The following MAGI2 variants were observed in gnomAD, a reference collection of about 807,000 sequenced individuals.
MAGI2 encodes the protein membrane associated guanylate kinase, WW and PDZ domain containing 2, also known as membrane-associated guanylate kinase, WW and PDZ domain-containing protein 2.
MAGI2 carries 35 observed loss-of-function variants against 133.3 expected under a neutral mutation model. That is an observed-to-expected ratio of 0.26 (90% CI 0.20 to 0.35). MAGI2 has a LOEUF of 0.35. Ranked by LOEUF, MAGI2 falls within the 10% of genes least tolerant of loss-of-function variation. MAGI2 has a pLI of 1.00. For synonymous variants in MAGI2, 729 were observed against 710.6 expected, an observed-to-expected ratio of 1.03 and a Z score of -0.41; for missense variants, 1,636 against 1,863.4, an observed-to-expected ratio of 0.88 and a Z score of 2.25.
At chr7:79,273,211 T>C (rs1835001305) in intron 1 of MAGI2, among the ~76,000 whole-genome samples, 1 of 147,054 alleles carries the variant, frequency 6.8e-6, no homozygotes, top group African/African-American at 2.5e-5. Flanking sequence ...TGTTTTGTTC[T>C]TAAATCACCC....
chr7:78,567,178 T>C (rs918196466), intron 3 of MAGI2, among the ~76,000 whole-genome samples: 1 of 152,244 alleles, frequency 6.6e-6, no homozygotes, highest in Non-Finnish European at 1.5e-5. Context: ...TAGGAAACCT[T>C]GACATTCAAG....
intron 21 of MAGI2, among the ~76,000 whole-genome samples, chr7:78,037,195 T>A (rs537426686): frequency 6.6e-6 from 1 of 152,058 alleles, no homozygotes; most frequent in Non-Finnish European, 1.5e-5. Context: ...CCTAGCGCAA[T>A]TGGGGTCACA....
intron 2 of MAGI2, among the ~76,000 whole-genome samples, chr7:78,912,190 G>T (rs1386221825): frequency 6.6e-6 from 1 of 152,072 alleles, no homozygotes; most frequent in Non-Finnish European, 1.5e-5. Context: ...ATATAAAATT[G>T]CTAGGAGCTG....
intron 21 of MAGI2, among the ~76,000 whole-genome samples, chr7:78,067,584 G>A (rs895554047): frequency 6.6e-6 from 1 of 152,194 alleles, no homozygotes; most frequent in African/African-American, 2.4e-5. Flanking sequence ...CCACTTTATA[G>A]TTAACAGCTA....
At chr7:78,338,688 T>C (rs1790030289) in intron 9 of MAGI2, among the ~76,000 whole-genome samples, 1 of 152,240 alleles carries the variant, frequency 6.6e-6, no homozygotes, top group Non-Finnish European at 1.5e-5. Flanking sequence ...TTTTTACATG[T>C]CATTTTAAAT....
intron 7 of MAGI2, among the ~76,000 whole-genome samples, chr7:78,366,975 T>C (rs557304304): frequency 6.6e-6 from 1 of 152,210 alleles, no homozygotes; most frequent in South Asian, 2.1e-4. Flanking sequence ...CTAAAACTAT[T>C]AAACATGTCA....
At chr7:79,419,901 T>C (rs1846819978) in intron 1 of MAGI2, among the ~76,000 whole-genome samples, 1 of 152,058 alleles carries the variant, frequency 6.6e-6, no homozygotes, top group African/African-American at 2.4e-5. Context: ...GGGAAATACA[T>C]TATTTTCCCC....
chr7:78,937,344 T>C (rs1281349750), intron 2 of MAGI2, among the ~76,000 whole-genome samples: 15 of 152,122 alleles, frequency 9.9e-5, no homozygotes, highest in Admixed American at 9.8e-4. Flanking sequence ...ACCTATTCCT[T>C]TTAATAGAAT....
chr7:78,694,716 CTG>C (rs1477576175), intron 2 of MAGI2, among the ~76,000 whole-genome samples: 1 of 152,172 alleles, frequency 6.6e-6, no homozygotes, highest in Non-Finnish European at 1.5e-5. Context: ...CATTTACTAA[CTG>C]TGCAACTTTG....
chr7:79,245,280 A>G (rs1487208537), intron 1 of MAGI2, among the ~76,000 whole-genome samples: 1 of 152,216 alleles, frequency 6.6e-6, no homozygotes, highest in Non-Finnish European at 1.5e-5. Flanking sequence ...ATCTGTCAGC[A>G]TAGGTACTAA....
At chr7:79,271,073 C>A (rs1357687392) in intron 1 of MAGI2, among the ~76,000 whole-genome samples, 1 of 152,078 alleles carries the variant, frequency 6.6e-6, no homozygotes, top group East Asian at 1.9e-4. Context: ...AGTCTCTGAA[C>A]TTTCTCCCTT....
In MAGI2 at chr7:78,423,970, G is replaced by A. The variant is rs925137616; in HGVS notation, c.1046-54757C>T. 2.0e-5 allele frequency among the ~76,000 whole-genome samples: 3 copies of A among 152,314 alleles called. No individual in the cohort carries two copies. The East Asian group carries it at 5.8e-4, about 29-fold the overall frequency. On this transcript the variant is annotated intron_variant, in intron 6 of 21. Transcript: ENST00000354212. The stretch of plus-strand genomic sequence containing the variant: ...TAGAAAAGAAAAACCCATTTTCTGA[G>A]GCGAAATTGAAGCCAGCTGCAGAAA...
At chr7:78,411,524 A>G (rs6967983) in intron 6 of MAGI2, among the ~76,000 whole-genome samples, 102,436 of 151,814 alleles carry the variant, frequency 0.67, 34,853 homozygotes, top group East Asian at 0.91. Context: ...AGACTGACCA[A>G]CTAGAATTCA....
At chr7:79,127,372 C>T (rs1485568495) in intron 1 of MAGI2, among the ~76,000 whole-genome samples, 5 of 152,086 alleles carry the variant, frequency 3.3e-5, no homozygotes, top group Admixed American at 2.0e-4. Flanking sequence ...GAGGAATCGC[C>T]ACACTGACTT....
At chr7:78,358,196 A>AATATATATATATATATATATAT (rs59745283) in intron 7 of MAGI2, 11 of 38,100 alleles carry the variant, frequency 2.9e-4, no homozygotes, top group East Asian at 8.0e-4. Flanking sequence ...AAAAAAAAAA[A>AATATATATATATATATATATAT]ATATATATAT....
intron 1 of MAGI2, among the ~76,000 whole-genome samples, chr7:79,348,311 T>TTAA (rs1283965619): frequency 6.6e-6 from 1 of 151,884 alleles, no homozygotes; most frequent in African/African-American, 2.4e-5. Flanking sequence ...TGAGTGAAAA[T>TTAA]TAACCATACC....
chr7:79,291,505 C>G (rs1455638821), intron 1 of MAGI2, among the ~76,000 whole-genome samples: 1 of 152,152 alleles, frequency 6.6e-6, no homozygotes, highest in Non-Finnish European at 1.5e-5. Flanking sequence ...TTTTCCAAAA[C>G]AGCTCTACAA....
At chr7:78,079,219 G>A (rs1697641292) in intron 20 of MAGI2, 134 bp from the exon 21 acceptor site, 2 of 799,408 alleles carry the variant, frequency 2.5e-6, no homozygotes, top group South Asian at 1.5e-5. Flanking sequence ...CTGCTTTTTG[G>A]AAGAGGCTAT....
intron 21 of MAGI2, among the ~76,000 whole-genome samples, chr7:78,071,147 G>A (rs1029639695): frequency 6.6e-6 from 1 of 152,222 alleles, no homozygotes; most frequent in Admixed American, 6.5e-5. Flanking sequence ...ACAATAGGAA[G>A]AAATGTGATT....
Sources: gnomAD v4.1 joint callset for allele counts (sites outside exome capture counted in the v4.1 genomes callset) on GRCh38, gnomAD v4.1.1 for gene constraint, MANE v1.5 for transcripts, NCBI Gene and HGNC (gene_info 2026-07-23, HGNC 2026-07-21) for gene names.